NPAS3: variants seen among roughly 807,000 people sequenced by gnomAD.
NPAS3 encodes the protein neuronal PAS domain-containing protein 3.
Under a neutral mutation model 73.1 loss-of-function variants are expected in NPAS3, and 14 were observed. That is an observed-to-expected ratio of 0.19 (90% CI 0.13 to 0.30). The LOEUF is 0.30. Ranked by LOEUF, NPAS3 falls within the 10% of genes least tolerant of loss-of-function variation. The pLI, the probability that NPAS3 is intolerant of heterozygous loss-of-function variation, is 1.00. For synonymous variants in NPAS3, 620 were observed against 541.5 expected (o/e 1.14, Z -2.01); for missense variants, 1,096 against 1,250.0 (o/e 0.88, Z 1.86).
chr14:33,080,397 C>T (rs143629201), intron 2 of NPAS3, among the ~76,000 whole-genome samples: 39 of 152,310 alleles, frequency 2.6e-4, no homozygotes, highest in African/African-American at 6.7e-4. Context: ...TGAGCCACCG[C>T]GCCCGGCCCC....
chr14:33,666,235 G>A (rs1333722733), intron 5 of NPAS3, among the ~76,000 whole-genome samples: 1 of 152,164 alleles, frequency 6.6e-6, no homozygotes, highest in East Asian at 1.9e-4. Context: ...AGTCCAAGAA[G>A]AGTGTAATAC....
intron 7 of NPAS3, among the ~76,000 whole-genome samples, chr14:33,766,748 C>G (rs1275552041): frequency 6.6e-6 from 1 of 152,172 alleles, no homozygotes; most frequent in Non-Finnish European, 1.5e-5. Flanking sequence ...TGATAGCCAT[C>G]TCCATACATA....
chr14:32,953,907 T>C (rs2036579137), intron 1 of NPAS3, among the ~76,000 whole-genome samples: 1 of 152,174 alleles, frequency 6.6e-6, no homozygotes, highest in African/African-American at 2.4e-5. Context: ...AAGACTGTTC[T>C]CTGTACAGCC....
chr14:33,630,046 T>C (rs1323021919), intron 5 of NPAS3, among the ~76,000 whole-genome samples: 1 of 152,222 alleles, frequency 6.6e-6, no homozygotes. Flanking sequence ...TGTTCAGCCA[T>C]AACCTTGAAC....
chr14:33,476,910 T>C (rs573245788), intron 4 of NPAS3, among the ~76,000 whole-genome samples: 45 of 152,310 alleles, frequency 3.0e-4, no homozygotes, highest in Admixed American at 6.5e-4. Flanking sequence ...GAGAATAGAA[T>C]TGGAGTAAAA....
At chr14:33,578,383 C>CA in intron 5 of NPAS3, 1 of 361,046 alleles carries the variant, frequency 2.8e-6, no homozygotes, top group Non-Finnish European at 5.4e-6. Flanking sequence ...TTAGTAGAGA[C>CA]GGGTTTCTCC....
intron 3 of NPAS3, among the ~76,000 whole-genome samples, chr14:33,304,966 T>C (rs1156459642): frequency 2.6e-5 from 4 of 152,122 alleles, no homozygotes; most frequent in African/African-American, 7.2e-5. Flanking sequence ...CCCAATTACA[T>C]ATATAGTTAT....
At chr14:33,784,733 A>ATTATT (rs2063092842) in intron 9 of NPAS3, among the ~76,000 whole-genome samples, 6 of 78,326 alleles carry the variant, frequency 7.7e-5, no homozygotes, top group African/African-American at 3.4e-4. Context: ...TTATTTATTT[A>ATTATT]TTTATTTATT....
intron 5 of NPAS3, among the ~76,000 whole-genome samples, chr14:33,601,837 A>G (rs911949060): frequency 9.2e-5 from 14 of 152,346 alleles, no homozygotes; most frequent in South Asian, 6.2e-4. Context: ...TGGAGTAAGC[A>G]TGAGGACTTC....
intron 4 of NPAS3, among the ~76,000 whole-genome samples, chr14:33,458,953 A>G (rs553060858): frequency 2.2e-4 from 33 of 152,332 alleles, no homozygotes; most frequent in Admixed American, 2.1e-3. Context: ...TAAAGGAATA[A>G]AAGAAGGGCT....
At chr14:33,530,699 A>T (rs2054001127) in intron 4 of NPAS3, among the ~76,000 whole-genome samples, 1 of 148,704 alleles carries the variant, frequency 6.7e-6, no homozygotes, top group South Asian at 2.2e-4. Context: ...GTCAGTCTTA[A>T]TTATTTCCAT....
At chr14:33,379,214 C>G (rs1364085652) in intron 4 of NPAS3, among the ~76,000 whole-genome samples, 1 of 145,724 alleles carries the variant, frequency 6.9e-6, no homozygotes, top group Non-Finnish European at 1.5e-5. Context: ...TGGTCCCAAG[C>G]TTTTTTTTTT....
intron 4 of NPAS3, among the ~76,000 whole-genome samples, chr14:33,526,853 C>A (rs747895992): frequency 8.6e-5 from 13 of 152,018 alleles, no homozygotes; most frequent in Non-Finnish European, 1.5e-4. Flanking sequence ...GCCCTTCAGA[C>A]CTCACTGTGT....
intron 1 of NPAS3, among the ~76,000 whole-genome samples, chr14:32,946,354 A>G (rs958337299): frequency 6.2e-4 from 91 of 147,312 alleles, no homozygotes; most frequent in African/African-American, 1.7e-3. Flanking sequence ...ACGCGCACAC[A>G]CACACACACA....
At chr14:33,360,551 T>C (rs1400156787) in intron 3 of NPAS3, among the ~76,000 whole-genome samples, 2 of 152,246 alleles carry the variant, frequency 1.3e-5, no homozygotes, top group Non-Finnish European at 2.9e-5. Flanking sequence ...AAGCAATCCC[T>C]GTGACATCAA....
rs565586712 is a variant in NPAS3, at chr14:33,641,051, A to G, written c.559-35160A>G. 2.0e-5 allele frequency among the ~76,000 whole-genome samples: 3 copies of G among 152,330 alleles called. No homozygotes were observed. The South Asian group carries it at 6.2e-4, about 32-fold the overall frequency. On this transcript the variant is annotated intron_variant, in intron 5 of 11. Coordinates refer to ENST00000356141, the Ensembl canonical transcript of NPAS3. ...TAGTATCTTCTGTATACTTTATTGT[A>G]GTTTGTACATTTCCTAAAACAAACA...
chr14:33,508,191 C>G (rs2052865467), intron 4 of NPAS3, among the ~76,000 whole-genome samples: 1 of 152,070 alleles, frequency 6.6e-6, no homozygotes, highest in Admixed American at 6.5e-5. Context: ...CCAGTCAAAG[C>G]AGAATAAAAT....
At chr14:33,254,506 C>T (rs954355931) in intron 3 of NPAS3, among the ~76,000 whole-genome samples, 3 of 152,028 alleles carry the variant, frequency 2.0e-5, no homozygotes, top group Non-Finnish European at 4.4e-5. Flanking sequence ...TGCTTATTTA[C>T]GTTTCACCTT....
At chr14:33,538,075 T>C (rs2054336010) in intron 4 of NPAS3, among the ~76,000 whole-genome samples, 1 of 151,932 alleles carries the variant, frequency 6.6e-6, no homozygotes, top group African/African-American at 2.4e-5. Flanking sequence ...CACGAATTAA[T>C]GAATATATGA....
Sources: gnomAD v4.1 joint callset for allele counts (sites outside exome capture counted in the v4.1 genomes callset) on GRCh38, gnomAD v4.1.1 for gene constraint, MANE v1.5 for transcripts, NCBI Gene and HGNC (gene_info 2026-07-23, HGNC 2026-07-21) for gene names.